Variants in PHF10 observed in about 807,000 individuals in gnomAD.
PHF10 encodes the protein BRG1-associated factor 45a.
PHF10 carries 51 observed loss-of-function variants against 68.5 expected under a neutral mutation model. The ratio of observed to expected loss-of-function variants is 0.74; its 90% confidence interval spans 0.59 to 0.94. The LOEUF is 0.94. Among genes scored for constraint, PHF10 ranks in the 40% least tolerant of loss-of-function variants. The probability of loss-of-function intolerance (pLI) is 0.00; values close to 1 mark genes in which losing one functional copy is unlikely to be tolerated. For missense variants in PHF10, 460 were observed against 602.6 expected (o/e 0.76, Z 2.48); for synonymous variants, 204 against 203.5 (o/e 1.00, Z -0.02).
At chr6:169,721,168 G>A in intron 1 of PHF10, 57 bp from the exon 2 acceptor site, 1 of 987,912 alleles carries the variant, frequency 1.0e-6, no homozygotes, top group East Asian at 2.6e-5. Flanking sequence ...AGAACAGTAA[G>A]TCTCAATAAA....
chr6:169,708,079 A>T (rs1327246351), intron 9 of PHF10: 1 of 152,192 alleles, frequency 6.6e-6, no homozygotes, highest in Admixed American at 6.5e-5. Flanking sequence ...GGTTTAGACA[A>T]TCAGTTCTAC....
Position 169,723,965 on chromosome 6 carries a change from T to C in PHF10, c.-34A>G, listed in dbSNP as rs1444168698. ...GCGCCCCGCGCCGCCGCCGCCGCCGTCGCCTCCGCCTTGTCCCGGCCGCCG... is the reference window on the plus strand; with the variant it reads ...GCGCCCCGCGCCGCCGCCGCCGCCGCCGCCTCCGCCTTGTCCCGGCCGCCG... On this transcript the variant is annotated 5_prime_UTR_variant, in exon 1 of 12. Transcript: ENST00000339209. The C allele has an allele frequency of 1.8e-4, 123 of 684,630 alleles. No individual in the cohort carries two copies. Among genetic ancestry groups the C allele is most frequent in the Middle Eastern group, 7.4e-4 (1 of 1,358 alleles). 42.4% of individuals were successfully genotyped at this position (684,630 alleles called of 1,614,324 possible).
At position 169,710,272 on chromosome 6, in the gene PHF10, T is replaced by C; in HGVS notation, c.1077A>G (p.Lys359=). The C allele has an allele frequency of 6.2e-7, 1 of 1,612,892 alleles. No homozygotes were observed. The highest frequency in any genetic ancestry group is 1.3e-5 in the African/African-American group (1 of 74,988). Residue 359 remains lysine, a synonymous_variant, in exon 9 of 12, where the codon AAA becomes AAG. Coordinates refer to ENST00000339209, the MANE Select transcript of PHF10 (RefSeq NM_018288.4). ...GAACTGACTTGGACAGTACAGAACG[T>C]TTGGGACCATCTTTTCTTGGAGTGG... ...KAATPRKDGP[K]RSVLSKSVPG...
intron 4 of PHF10, 120 bp from the exon 5 acceptor site, chr6:169,716,208 A>G: frequency 1.9e-6 from 1 of 516,632 alleles, no homozygotes; most frequent in Non-Finnish European, 3.3e-6. Context: ...CCAATAGCCA[A>G]AGCAAAATAT....
Position 169,704,031 on chromosome 6 carries a change from C to G in PHF10, c.1469G>C (p.Arg490Thr). The G allele has an allele frequency of 6.2e-7, 1 of 1,600,610 alleles. No homozygotes were observed. Among genetic ancestry groups the G allele is most frequent in the South Asian group, 1.1e-5 (1 of 87,604 alleles). The change falls in exon 12 of 12, where the codon AGA (arginine) becomes ACA (threonine). Residue 490 changes from arginine (R) to threonine (T), a missense_variant. Coordinates refer to ENST00000339209, the MANE Select transcript of PHF10 (RefSeq NM_018288.4). ...RAPPTPRKVGRRGKNSKEG is the reference protein window; with the variant it reads ...RAPPTPRKVGTRGKNSKEG ...TCCCTCTTTGCTGTTTTTCCCCCTT[C>G]TGCCCACTTTCCTGGGTGTTGGGGG...
chr6:169,712,568 T>C (rs771521630), intron 7 of PHF10, 29 bp from the exon 8 acceptor site: 1 of 1,584,350 alleles, frequency 6.3e-7, no homozygotes, highest in East Asian at 2.2e-5. Context: ...ATTTTTGGTT[T>C]CCCTTTATTA....
At chr6:169,711,742 T>C (rs953962699) in intron 8 of PHF10, among the ~76,000 whole-genome samples, 9 of 152,226 alleles carry the variant, frequency 5.9e-5, no homozygotes, top group African/African-American at 2.2e-4. Context: ...CATTCAATGG[T>C]AGCACAATCT....
chr6:169,712,352 G>C (rs1297534025), intron 8 of PHF10, 34 bp downstream of exon 8: 1 of 1,588,782 alleles, frequency 6.3e-7, no homozygotes, highest in African/African-American at 1.3e-5. Flanking sequence ...CAAAGAGAAA[G>C]GAAATGCTTC....
chr6:169,718,720 C>A, intron 3 of PHF10, 68 bp downstream of exon 3: 1 of 910,130 alleles, frequency 1.1e-6, no homozygotes, highest in Non-Finnish European at 1.7e-6. Flanking sequence ...CAGAAAAATT[C>A]AGAAGTTGAC....
intron 2 of PHF10, among the ~76,000 whole-genome samples, chr6:169,720,498 A>AC (rs1181207918): frequency 6.6e-6 from 1 of 152,240 alleles, no homozygotes; most frequent in Non-Finnish European, 1.5e-5. Flanking sequence ...GACATATGCT[A>AC]CAAAGATGAA....
At position 169,705,233 on chromosome 6, in the gene PHF10, A is replaced by G. The variant is rs746160971; in HGVS notation, c.1311T>C (p.Ile437=). ...CTTCATGGTGGGGTTGTCCACATATAATGCATGTTTTACATTCCATACACT... is the reference window on the plus strand; with the variant it reads ...CTTCATGGTGGGGTTGTCCACATATGATGCATGTTTTACATTCCATACACT... ...PWQCMECKTC[I]ICGQPHHEEE... is the part of the protein sequence containing the mutation. The change falls in exon 11 of 12, where the codon ATT becomes ATC. Residue 437 remains isoleucine, a synonymous_variant. Coordinates refer to ENST00000339209, the MANE Select transcript of PHF10 (RefSeq NM_018288.4). The G allele has an allele frequency of 2.5e-6, 4 of 1,613,208 alleles. No individual in the cohort carries two copies. The highest frequency in any genetic ancestry group is 1.7e-5 in the Admixed American group (1 of 60,002).
intron 9 of PHF10, chr6:169,707,473 C>A (rs941810022): frequency 6.6e-6 from 1 of 152,154 alleles, no homozygotes; most frequent in African/African-American, 2.4e-5. Flanking sequence ...GGTACCTGTA[C>A]TAAATGTAAA....
chr6:169,707,855 C>G (rs1305175885), intron 9 of PHF10: 2 of 152,188 alleles, frequency 1.3e-5, no homozygotes, highest in African/African-American at 2.4e-5. Context: ...GGAAGAGAGA[C>G]AGCTTTGTAG....
rs776652857 is a variant in PHF10 at position 169,721,089 on chromosome 6, T to C, written c.110A>G (p.Asn37Ser). ...CCTTTTGGATGGCTGGGTCCCATCA[T>C]TTGAATTATCTTCATTATCATCCTA... ...SPKDDNEDNS[N>S]DGTQPSKRRR... The change falls in exon 2 of 12, where the codon AAT becomes AGT. Residue 37 changes from asparagine (N) to serine (S), a missense_variant. By Grantham distance (46) the Asn-to-Ser change is conservative (BLOSUM62 1). This residue lies in a region of PHF10 where 93 missense variants were observed against 82.4 expected (regional missense o/e 1.13). Transcript: ENST00000339209. The C allele has an allele frequency of 2.0e-6, 3 of 1,534,072 alleles. No individual in the cohort carries two copies. In the South Asian group the frequency reaches 3.6e-5, roughly 18 times the overall value.
At chr6:169,715,599 AC>A in intron 6 of PHF10, 108 bp downstream of exon 6, 2 of 937,752 alleles carry the variant, frequency 2.1e-6, no homozygotes, top group Non-Finnish European at 1.7e-6. Flanking sequence ...AACAAAAAAA[AC>A]ACACACACAT....
intron 1 of PHF10, among the ~76,000 whole-genome samples, chr6:169,722,263 C>G (rs1789198356): frequency 1.3e-5 from 2 of 152,140 alleles, no homozygotes; most frequent in African/African-American, 4.8e-5. Flanking sequence ...CTTTTTCAGT[C>G]CTTATAAAAT....
At chr6:169,709,162 T>C (rs1417730551) in intron 9 of PHF10, 1 of 152,206 alleles carries the variant, frequency 6.6e-6, no homozygotes. Context: ...TTTTTTTACT[T>C]GAAGAAAGGT....
rs1233137360 is a variant in PHF10, at chr6:169,712,558, ATTTTTGG to A, written c.804-26_804-20del. ...TGAGTACCTGAAGTTCAGAGAGTTT[ATTTTTGG>A]TTTCCCTTTATTATTAAATATAAAC... On this transcript the variant is annotated intron_variant, in intron 7 of 11. Coordinates refer to ENST00000339209, the MANE Select transcript of PHF10 (RefSeq NM_018288.4). 9.4e-6 allele frequency: 15 copies of A among 1,593,496 alleles called. No homozygotes were observed. The highest frequency in any genetic ancestry group is 1.3e-5 in the Non-Finnish European group (15 of 1,173,216).
intron 9 of PHF10, chr6:169,709,408 T>G (rs1353277554): frequency 6.6e-6 from 1 of 152,184 alleles, no homozygotes; most frequent in Admixed American, 6.5e-5. Context: ...AGGTAGTCTA[T>G]TTTACTACCA....
Sources: allele counts gnomAD v4.1 joint callset (sites outside exome capture counted in the v4.1 genomes callset), GRCh38; gene constraint gnomAD v4.1.1; regional missense constraint gnomAD v4.1.1; transcripts MANE v1.5; gene names NCBI Gene and HGNC (gene_info 2026-07-23, HGNC 2026-07-21).